The following PLAC1 variants were observed in gnomAD, a reference collection of about 807,000 sequenced individuals.
The protein encoded by PLAC1 is placenta associated 1.
For synonymous variants in PLAC1, 68 were observed against 62.1 expected (o/e 1.09, Z -0.44); for missense variants, 136 against 163.2 (o/e 0.83, Z 0.91).
At chrX:134,572,727 C>A (rs2077915431) in intron 2 of PLAC1, among the ~76,000 whole-genome samples, 1 of 110,490 alleles carries the variant, frequency 9.1e-6, no homozygotes, top group Non-Finnish European at 1.9e-5. Context: ...CCCAAATAAC[C>A]ATTGTTAAAT....
rs142000306 is a variant in PLAC1 at position 134,702,817 on chromosome X, T to C, written n.174+30618A>G. On this transcript the variant is annotated intron_variant and non_coding_transcript_variant, in intron 2 of 2. Transcript: ENST00000466797. Reference sequence around the variant, plus strand: ...GTAGGCCATTCTCTAGTACATCCCATGCACTTTTGCTCACACCAGTTAAGT... The same window carrying C: ...GTAGGCCATTCTCTAGTACATCCCACGCACTTTTGCTCACACCAGTTAAGT... 6.0e-3 allele frequency among the ~76,000 whole-genome samples: 671 copies of C among 112,427 alleles called. 8 individuals are homozygous for C. The highest frequency in any genetic ancestry group is 0.021 in the African/African-American group (657 of 30,972).
intron 2 of PLAC1, among the ~76,000 whole-genome samples, chrX:134,673,097 T>C (rs1396213203): frequency 8.9e-6 from 1 of 111,874 alleles, no homozygotes; most frequent in Non-Finnish European, 1.9e-5. Flanking sequence ...CTTGTGAACT[T>C]GCTGAAATTA....
In PLAC1 at chrX:134,565,998, T is replaced by G; in HGVS notation, c.*46A>C. The G allele has an allele frequency of 9.1e-7, 1 of 1,093,403 alleles. No homozygotes were observed. Among genetic ancestry groups the G allele is most frequent in the Non-Finnish European group, 1.3e-6 (1 of 796,882 alleles). The allele number at this position is 1,093,403 out of a possible 1,213,427, so 90.1% of individuals were successfully genotyped here. The stretch of plus-strand genomic sequence containing the variant: ...ATTTGTCAGACATTTGTACACTATA[T>G]ACTAATTCTAGAAATAGCATCTTCA... On this transcript the variant is annotated 3_prime_UTR_variant, in exon 3 of 3. Transcript: ENST00000359237.
chrX:134,566,729 C>A lies in PLAC1; in HGVS notation c.-47G>T. On this transcript the variant is annotated 5_prime_UTR_variant, in exon 3 of 3. Transcript: ENST00000359237. ...GAACCACAGGAAACAGGAAGCCGTCCAGTGAGGATTTCTAGAGCACAAAAA... is the reference window on the plus strand; with the variant it reads ...GAACCACAGGAAACAGGAAGCCGTCAAGTGAGGATTTCTAGAGCACAAAAA... 1 of 1,039,460 alleles carries A rather than the reference C, an allele frequency of 9.6e-7. No individual in the cohort carries two copies. Among genetic ancestry groups the A allele is most frequent in the Admixed American group, 2.5e-5 (1 of 39,475 alleles). 85.7% of individuals were successfully genotyped at this position (1,039,460 alleles called of 1,213,427 possible).
rs761870959 is a variant in PLAC1 at position 134,585,720 on chromosome X, A to G, written c.-59+16331T>C. ...CAGCTGGTAGAGAGCAGCTGCAGGAATGGGACTATTTCTATGGGGGGTAGA... is the reference window on the plus strand; with the variant it reads ...CAGCTGGTAGAGAGCAGCTGCAGGAGTGGGACTATTTCTATGGGGGGTAGA... On this transcript the variant is annotated intron_variant, in intron 2 of 2. Transcript: ENST00000359237. Among the ~76,000 whole-genome samples, 9 of 110,690 alleles carry G rather than the reference A, an allele frequency of 8.1e-5. No homozygotes were observed. In the South Asian group the frequency reaches 3.2e-3, roughly 39 times the overall value.
intron 1 of PLAC1, among the ~76,000 whole-genome samples, chrX:134,637,263 T>C (rs2078287688): frequency 9.0e-6 from 1 of 111,234 alleles, no homozygotes; most frequent in African/African-American, 3.3e-5. Flanking sequence ...CTTTAATCCA[T>C]AGTTTCCAGG....
intron 2 of PLAC1, among the ~76,000 whole-genome samples, chrX:134,694,825 A>G (rs1043606082): frequency 8.9e-6 from 1 of 111,908 alleles, no homozygotes; most frequent in African/African-American, 3.2e-5. Flanking sequence ...CGATTGAGGA[A>G]TTGACCAAAT....
At chrX:134,715,219 G>A (rs897966796) in intron 2 of PLAC1, among the ~76,000 whole-genome samples, 2 of 111,386 alleles carry the variant, frequency 1.8e-5, no homozygotes, top group Non-Finnish European at 3.8e-5. Flanking sequence ...AAGTAGCAGA[G>A]CTGAGATTTG....
chrX:134,624,821 T>C (rs1381889957), intron 1 of PLAC1, among the ~76,000 whole-genome samples: 1 of 110,911 alleles, frequency 9.0e-6, no homozygotes, highest in Non-Finnish European at 1.9e-5. Context: ...AGAAAAAAGG[T>C]GTCAGCATTT....
intron 1 of PLAC1, among the ~76,000 whole-genome samples, chrX:134,637,752 G>A (rs112147655): frequency 0.013 from 1,405 of 111,635 alleles, 23 homozygotes; most frequent in African/African-American, 0.044. Flanking sequence ...GGAGGTTGAG[G>A]CAGGAGAATC....
intron 1 of PLAC1, among the ~76,000 whole-genome samples, chrX:134,647,132 G>A (rs1423108578): frequency 9.0e-6 from 1 of 111,643 alleles, no homozygotes; most frequent in Admixed American, 9.5e-5. Flanking sequence ...GCCTCCGAAG[G>A]TAGCCGTGTA....
At chrX:134,664,003 C>A (rs1387729077) in intron 2 of PLAC1, among the ~76,000 whole-genome samples, 1 of 111,948 alleles carries the variant, frequency 8.9e-6, no homozygotes, top group Non-Finnish European at 1.9e-5. Flanking sequence ...TTATATGGAC[C>A]TGGCGTGTGC....
At chrX:134,743,558 A>T (rs1338783518) in intron 1 of PLAC1, among the ~76,000 whole-genome samples, 2 of 112,104 alleles carry the variant, frequency 1.8e-5, no homozygotes, top group Non-Finnish European at 3.8e-5. Context: ...CGTAGTAAAA[A>T]ACCAAAAGAA....
chrX:134,663,031 A>G (rs2078421984), upstream of PLAC1, among the ~76,000 whole-genome samples: 1 of 112,552 alleles, frequency 8.9e-6, no homozygotes, highest in Admixed American at 9.4e-5. Flanking sequence ...GGAAATGTTA[A>G]TAGTGCAGCT....
At chrX:134,717,958 G>T (rs1189966201) in intron 2 of PLAC1, among the ~76,000 whole-genome samples, 1 of 112,165 alleles carries the variant, frequency 8.9e-6, no homozygotes, top group Non-Finnish European at 1.9e-5. Flanking sequence ...AGCCACACTG[G>T]CCCTACCTAA....
At chrX:134,736,888 T>C (rs1257657664) in intron 1 of PLAC1, among the ~76,000 whole-genome samples, 1 of 112,441 alleles carries the variant, frequency 8.9e-6, no homozygotes, top group East Asian at 2.8e-4. Context: ...CACCACAAGA[T>C]TGATCACGAG....
intron 1 of PLAC1, chrX:134,651,429 A>C (rs891310993): frequency 7.0e-6 from 1 of 142,365 alleles, no homozygotes; most frequent in African/African-American, 3.2e-5. Context: ...TGACTAAATA[A>C]GGTATATTCA....
intron 1 of PLAC1, among the ~76,000 whole-genome samples, chrX:134,652,067 C>A (rs2078366263): frequency 9.0e-6 from 1 of 111,526 alleles, no homozygotes; most frequent in Admixed American, 9.5e-5. Flanking sequence ...TTTGGCCTAT[C>A]TAAAGTTTAT....
At position 134,569,591 on chromosome X, in the gene PLAC1, G is replaced by A. The variant is rs886636514; in HGVS notation, c.-58-2851C>T. 3.6e-5 allele frequency among the ~76,000 whole-genome samples: 4 copies of A among 111,182 alleles called. No homozygotes were observed. In the South Asian group the frequency reaches 1.2e-3, roughly 32 times the overall value. On this transcript the variant is annotated intron_variant, in intron 2 of 2. Coordinates refer to ENST00000359237, the MANE Select transcript of PLAC1 (RefSeq NM_021796.4). ...TAAGGGGAGAGAAAGGAGATTAGGGGGAAAGCAGAATGTACTTTCTAATGA... is the reference window on the plus strand; with the variant it reads ...TAAGGGGAGAGAAAGGAGATTAGGGAGAAAGCAGAATGTACTTTCTAATGA...
Sources: allele counts gnomAD v4.1 joint callset (sites outside exome capture counted in the v4.1 genomes callset), GRCh38; gene constraint gnomAD v4.1.1; transcripts MANE v1.5; gene names NCBI Gene and HGNC (gene_info 2026-07-23, HGNC 2026-07-21).